The following SEPSECS variants were observed in gnomAD, a reference collection of about 807,000 sequenced individuals.
SEPSECS encodes the protein O-phosphoseryl-tRNA(Sec) selenium transferase.
A neutral mutation model predicts 52.1 loss-of-function variants in SEPSECS; 42 were observed. That is an observed-to-expected ratio of 0.81 (90% CI 0.63 to 1.04). The LOEUF (loss-of-function observed/expected upper bound fraction) is 1.04, where lower values mean the gene tolerates loss of function less well. Among genes scored for constraint, SEPSECS ranks in the 50% least tolerant of loss-of-function variants. The pLI, the probability that SEPSECS is intolerant of heterozygous loss-of-function variation, is 0.00. For missense variants in SEPSECS, 590 were observed against 610.6 expected (o/e 0.97, Z 0.36); for synonymous variants, 216 against 211.4 (o/e 1.02, Z -0.19).
Position 25,144,079 on chromosome 4 carries a change from G to A in SEPSECS, c.1026+695C>T, listed in dbSNP as rs142165673. Among the ~76,000 whole-genome samples the A allele has an allele frequency of 2.8e-3, 426 of 152,176 alleles. 6 individuals carry two copies. Among genetic ancestry groups the A allele is most frequent in the South Asian group, 0.023 (112 of 4,822 alleles). ...AAATAGGCCAGGCGTGGTGGGTAACGTCTGTAATCCCAGCACTTTGGGAGG... is the reference window on the plus strand; with the variant it reads ...AAATAGGCCAGGCGTGGTGGGTAACATCTGTAATCCCAGCACTTTGGGAGG... On this transcript the variant is annotated intron_variant, in intron 8 of 10. Transcript: ENST00000382103.
rs769755395 is a variant in SEPSECS, at chr4:25,144,902, TG to T, written c.935-38del. On this transcript the variant is annotated intron_variant, in intron 7 of 10. Coordinates refer to ENST00000382103, the MANE Select transcript of SEPSECS (RefSeq NM_016955.4). ...AGGATAAGTTACATTAAGACTGTGG[TG>T]GGGGGGTAGCTTTGGAAATTAAGAT... 819 of 1,591,312 alleles carry T rather than the reference TG, an allele frequency of 5.1e-4. 4 individuals carry two copies. The highest frequency in any genetic ancestry group is 6.8e-4 in the Admixed American group (41 of 59,894).
chr4:25,134,482 G>A (rs1265224226), intron 8 of SEPSECS, among the ~76,000 whole-genome samples: 4 of 152,062 alleles, frequency 2.6e-5, no homozygotes, highest in African/African-American at 9.7e-5. Context: ...AACATATGAT[G>A]AGCATCTACT....
intron 9 of SEPSECS, 41 bp from the exon 10 acceptor site, chr4:25,125,825 G>T: frequency 7.8e-7 from 1 of 1,274,536 alleles, no homozygotes; most frequent in South Asian, 1.2e-5. Context: ...TTGGTTTACT[G>T]GCATAAAAAT....
intron 8 of SEPSECS, among the ~76,000 whole-genome samples, chr4:25,137,819 C>T (rs1279056400): frequency 1.3e-5 from 2 of 152,148 alleles, no homozygotes; most frequent in African/African-American, 4.8e-5. Context: ...TCAACCCAAA[C>T]ACTCATCAAT....
At chr4:25,159,787 A>G in intron 1 of SEPSECS, 2 of 1,098,232 alleles carry the variant, frequency 1.8e-6, no homozygotes, top group Non-Finnish European at 2.2e-6. Flanking sequence ...AACAAAACAC[A>G]ACAAAACTTT....
In SEPSECS at chr4:25,144,167, C is replaced by G. The variant is rs185094193; in HGVS notation, c.1026+607G>C. Among the ~76,000 whole-genome samples the G allele has an allele frequency of 9.9e-5, 15 of 151,760 alleles. 1 individual carries two copies. In the East Asian group the frequency reaches 2.7e-3, roughly 27 times the overall value. ...CAGCCTAGCCAACATAGTGAAACCC[C>G]GTCTCTACTAAAAATACAAAAAATT... is the stretch of plus-strand genomic sequence containing the variant. On this transcript the variant is annotated intron_variant, in intron 8 of 10. Coordinates refer to ENST00000382103, the MANE Select transcript of SEPSECS (RefSeq NM_016955.4).
rs1419061980 is a variant in SEPSECS, at chr4:25,155,146, C to G, written c.553G>C (p.Glu185Gln). 2 of 1,613,960 alleles carry G rather than the reference C, an allele frequency of 1.2e-6. No homozygotes were observed. Among genetic ancestry groups the G allele is most frequent in the African/African-American group, 2.7e-5 (2 of 74,902 alleles). The change falls in exon 5 of 11, where the codon GAG becomes CAG. Residue 185 changes from glutamate to glutamine, a missense_variant. Glu to Gln is a conservative substitution (Grantham distance 29, BLOSUM62 2). Coordinates refer to ENST00000382103, the MANE Select transcript of SEPSECS (RefSeq NM_016955.4). ...AAAACATTTTCTATCACCACAGGCTCAAAACCTAACCAAACCAACCAGAAA... is the reference window on the plus strand; with the variant it reads ...AAAACATTTTCTATCACCACAGGCTGAAAACCTAACCAAACCAACCAGAAA... ...CFKSMITAGF[E>Q]PVVIENVLEG...
chr4:25,144,954 G>A (rs1711869368), intron 7 of SEPSECS, 50 bp downstream of exon 7: 1 of 1,608,044 alleles, frequency 6.2e-7, no homozygotes, highest in Non-Finnish European at 8.5e-7. Context: ...ATGTACAAAT[G>A]GATTTTTGTT....
chr4:25,135,031 T>C (rs1728778938), intron 8 of SEPSECS, among the ~76,000 whole-genome samples: 1 of 152,106 alleles, frequency 6.6e-6, no homozygotes. Context: ...AGAGATAACA[T>C]ACTGGAATCT....
intron 6 of SEPSECS, among the ~76,000 whole-genome samples, chr4:25,148,066 T>C (rs1210312726): frequency 3.3e-5 from 5 of 152,050 alleles, no homozygotes; most frequent in Admixed American, 6.6e-5. Flanking sequence ...AAAAGCCTAG[T>C]AGAGGGCCAG....
chr4:25,150,568 G>A (rs904789866), intron 6 of SEPSECS, among the ~76,000 whole-genome samples: 8 of 151,888 alleles, frequency 5.3e-5, no homozygotes, highest in African/African-American at 1.9e-4. Flanking sequence ...TATTTTATAT[G>A]TCACTACGTA....
intron 4 of SEPSECS, 94 bp downstream of exon 4, chr4:25,155,943 G>C: frequency 8.5e-7 from 1 of 1,182,128 alleles, no homozygotes; most frequent in Non-Finnish European, 1.2e-6. Context: ...ATAGGGAAGA[G>C]AGTTAGTTTA....
At chr4:25,145,163 T>C in intron 6 of SEPSECS, 30 bp from the exon 7 acceptor site, 1 of 1,612,282 alleles carries the variant, frequency 6.2e-7, no homozygotes, top group Non-Finnish European at 8.5e-7. Flanking sequence ...ACATATTAGT[T>C]GCTAGGAAAA....
At position 25,155,126 on chromosome 4, in the gene SEPSECS, A is replaced by G; in HGVS notation, c.573T>C (p.Asn191=). The G allele has an allele frequency of 6.2e-7, 1 of 1,614,122 alleles. No homozygotes were observed. The highest frequency in any genetic ancestry group is 8.5e-7 in the Non-Finnish European group (1 of 1,180,016). ...TAGFEPVVIE[N]VLEGDELRTD... ...TACGCAGCTCGTCACCTTCCAAAAC[A>G]TTTTCTATCACCACAGGCTCAAAAC... The change falls in exon 5 of 11, where the codon AAT becomes AAC. Residue 191 remains asparagine, a synonymous_variant. Transcript: ENST00000382103.
intron 8 of SEPSECS, among the ~76,000 whole-genome samples, chr4:25,140,918 G>GA (rs11373679): frequency 0.78 from 114,625 of 146,886 alleles, 44,371 homozygotes; most frequent in Middle Eastern, 0.81. Flanking sequence ...GAAAATATTT[G>GA]AAAAAAAAAA....
At chr4:25,125,811 A>G (rs1403514722) in intron 9 of SEPSECS, 27 bp from the exon 10 acceptor site, 1 of 1,467,834 alleles carries the variant, frequency 6.8e-7, no homozygotes, top group Non-Finnish European at 9.5e-7. Context: ...TATCCTAATA[A>G]GCCTTGGTTT....
chr4:25,154,885 ACAGAC>A (rs1463878963), intron 5 of SEPSECS, 108 bp downstream of exon 5: 1 of 1,118,236 alleles, frequency 8.9e-7, no homozygotes, highest in Non-Finnish European at 1.3e-6. Flanking sequence ...TTCTCTTAGA[ACAGAC>A]CATTCACCTA....
rs41267445 is a variant in SEPSECS, at chr4:25,123,941, G to C, written c.1496C>G (p.Ala499Gly). The C allele has an allele frequency of 4.3e-6, 7 of 1,613,054 alleles. No homozygotes were observed. The highest frequency in any genetic ancestry group is 2.2e-5 in the East Asian group (1 of 44,858). The change falls in exon 11 of 11, where the codon GCT becomes GGT. Residue 499 changes from alanine to glycine, a missense_variant. Coordinates refer to ENST00000382103, the MANE Select transcript of SEPSECS (RefSeq NM_016955.4). ...DNVLLDTYQD[A>G]SS is the part of the protein sequence containing the mutation. ...GAAACCCTTCGCATGTCATGAAGAA[G>C]CATCCTGGTATGTGTCAAGAAGTAC...
At chr4:25,150,823 T>A (rs1414259361) in intron 6 of SEPSECS, among the ~76,000 whole-genome samples, 1 of 151,988 alleles carries the variant, frequency 6.6e-6, no homozygotes. Context: ...CTGGGCCGCA[T>A]GACAAAACCC....
Sources: gnomAD v4.1 joint callset for allele counts (sites outside exome capture counted in the v4.1 genomes callset) on GRCh38, gnomAD v4.1.1 for gene constraint, MANE v1.5 for transcripts, NCBI Gene and HGNC (gene_info 2026-07-23, HGNC 2026-07-21) for gene names.